Variants in ADAMTSL3 observed in about 807,000 individuals in gnomAD.
ADAMTSL3 encodes ADAMTS-like protein 3.
In ADAMTSL3, 128 loss-of-function variants were observed where a neutral mutation model predicts 201.7. The observed-to-expected ratio is 0.63, with a 90% CI of 0.55 to 0.73. The LOEUF (loss-of-function observed/expected upper bound fraction) is 0.73, where lower values mean the gene tolerates loss of function less well. Ranked by LOEUF, ADAMTSL3 falls within the 30% of genes least tolerant of loss-of-function variation. The pLI, the probability that ADAMTSL3 is intolerant of heterozygous loss-of-function variation, is 0.00. For missense variants in ADAMTSL3, 1,990 were observed against 2,119.6 expected, an observed-to-expected ratio of 0.94 and a Z score of 1.20; for synonymous variants, 738 against 748.4, an observed-to-expected ratio of 0.99 and a Z score of 0.23.
Position 83,818,569 on chromosome 15 carries a change from G to T in ADAMTSL3, c.364-1242G>T, listed in dbSNP as rs574635529. Among the ~76,000 whole-genome samples the T allele has an allele frequency of 7.9e-5, 12 of 152,224 alleles. No homozygotes were observed. The East Asian group carries it at 2.3e-3, about 29-fold the overall frequency. ...CTGGAGCTCCTGACCTCAGGTGATC[G>T]GCCCGCCTCAGCCACCCAAAGTGCT... is the stretch of plus-strand genomic sequence containing the variant. On this transcript the variant is annotated intron_variant, in intron 5 of 29. Coordinates refer to ENST00000286744, the MANE Select transcript of ADAMTSL3 (RefSeq NM_207517.3).
chr15:83,708,450 G>A (rs1408777739), intron 3 of ADAMTSL3, among the ~76,000 whole-genome samples: 7 of 152,174 alleles, frequency 4.6e-5, no homozygotes, highest in Admixed American at 3.9e-4. Context: ...CTGTGATGTA[G>A]GCTGCATTTA....
At chr15:84,015,933 C>G (rs183496652) in intron 24 of ADAMTSL3, among the ~76,000 whole-genome samples, 1 of 152,288 alleles carries the variant, frequency 6.6e-6, no homozygotes, top group African/African-American at 2.4e-5. Flanking sequence ...TCATGGCATT[C>G]CTCCACCATC....
chr15:83,818,711 T>C (rs1374724304), intron 5 of ADAMTSL3, among the ~76,000 whole-genome samples: 1 of 152,226 alleles, frequency 6.6e-6, no homozygotes, highest in East Asian at 1.9e-4. Context: ...AGTAATACTT[T>C]TCTCAACTAG....
At chr15:83,693,755 ATGAGCTCC>A (rs1324269081) in intron 2 of ADAMTSL3, among the ~76,000 whole-genome samples, 1 of 152,148 alleles carries the variant, frequency 6.6e-6, no homozygotes, top group East Asian at 1.9e-4. Flanking sequence ...AAGTTAGAAT[ATGAGCTCC>A]TTGGGAAAAG....
At chr15:83,890,058 G>T in intron 10 of ADAMTSL3, 51 bp from the exon 11 acceptor site, 1 of 1,566,120 alleles carries the variant, frequency 6.4e-7, no homozygotes. Context: ...ACTCTGCCAA[G>T]TAAAAATGAA....
rs74993203 is a variant in ADAMTSL3 at position 84,035,528 on chromosome 15, G to A, written c.4755-1245G>A. Among the ~76,000 whole-genome samples, 610 of 152,164 alleles carry A rather than the reference G, an allele frequency of 4.0e-3. 3 individuals carry two copies. Among genetic ancestry groups the A allele is most frequent in the African/African-American group, 0.014 (587 of 41,528 alleles). On this transcript the variant is annotated intron_variant, in intron 28 of 29. Transcript: ENST00000286744. ...AGGACACCCACCTCTTCCATATATC[G>A]TATGAACAGTTTGGTAGGACAGCAC...
intron 23 of ADAMTSL3, among the ~76,000 whole-genome samples, chr15:84,004,767 G>A (rs992098821): frequency 1.3e-5 from 2 of 152,220 alleles, no homozygotes; most frequent in African/African-American, 4.8e-5. Flanking sequence ...GAGGATCAAG[G>A]AAGTGATTTT....
intron 3 of ADAMTSL3, among the ~76,000 whole-genome samples, chr15:83,705,147 T>C (rs749775386): frequency 6.6e-6 from 1 of 152,162 alleles, no homozygotes; most frequent in Non-Finnish European, 1.5e-5. Flanking sequence ...TTGAAATCAC[T>C]CACAACTTGG....
intron 19 of ADAMTSL3, among the ~76,000 whole-genome samples, chr15:83,957,618 T>C (rs2066885967): frequency 6.6e-6 from 1 of 152,184 alleles, no homozygotes. Flanking sequence ...GAGTGTTTTG[T>C]ATTTTTGTCC....
At chr15:83,750,981 T>C (rs1429134279) in intron 3 of ADAMTSL3, among the ~76,000 whole-genome samples, 1 of 152,228 alleles carries the variant, frequency 6.6e-6, no homozygotes, top group Non-Finnish European at 1.5e-5. Context: ...TAATTTAGTA[T>C]ATATTATTAA....
At chr15:83,885,025 T>A in intron 9 of ADAMTSL3, 76 bp from the exon 10 acceptor site, 1 of 948,412 alleles carries the variant, frequency 1.1e-6, no homozygotes, top group Non-Finnish European at 1.6e-6. Flanking sequence ...ATGAAGAACA[T>A]TTATCTTATT....
chr15:83,757,075 G>A (rs563458376), intron 3 of ADAMTSL3, among the ~76,000 whole-genome samples: 48 of 152,274 alleles, frequency 3.2e-4, no homozygotes, highest in African/African-American at 4.8e-4. Flanking sequence ...CCAGGCACAC[G>A]GTGCAGGCGG....
rs182163710 is a variant in ADAMTSL3, at chr15:83,872,959, A to G, written c.960+2000A>G. Reference sequence around the variant, plus strand: ...GGAAACACTGAAAACAACAGTGACTATTTTAGAGGGGATAACATTTTGTAA... The same window carrying G: ...GGAAACACTGAAAACAACAGTGACTGTTTTAGAGGGGATAACATTTTGTAA... On this transcript the variant is annotated intron_variant, in intron 9 of 29. Coordinates refer to ENST00000286744, the MANE Select transcript of ADAMTSL3 (RefSeq NM_207517.3). Among the ~76,000 whole-genome samples the G allele has an allele frequency of 2.7e-3, 393 of 145,836 alleles. 61 individuals carry two copies. Among genetic ancestry groups the G allele is most frequent in the Middle Eastern group, 0.014 (4 of 284 alleles).
chr15:83,755,108 G>A (rs2062698232), intron 3 of ADAMTSL3, among the ~76,000 whole-genome samples: 1 of 151,928 alleles, frequency 6.6e-6, no homozygotes, highest in Admixed American at 6.6e-5. Context: ...TAATCCTGTT[G>A]TAAAAATTTT....
chr15:83,886,405 C>T (rs1357647576), intron 10 of ADAMTSL3, among the ~76,000 whole-genome samples: 2 of 152,162 alleles, frequency 1.3e-5, no homozygotes, highest in Non-Finnish European at 2.9e-5. Flanking sequence ...TAAGGAAGGT[C>T]TCTTTTATTC....
chr15:83,847,636 C>T (rs1251651107), intron 7 of ADAMTSL3, among the ~76,000 whole-genome samples: 5 of 151,960 alleles, frequency 3.3e-5, no homozygotes, highest in African/African-American at 1.2e-4. Flanking sequence ...GCTGGGATTA[C>T]AGTCACGTGC....
At chr15:83,687,300 A>T (rs906896434) in intron 2 of ADAMTSL3, among the ~76,000 whole-genome samples, 41 of 152,270 alleles carry the variant, frequency 2.7e-4, no homozygotes, top group African/African-American at 9.9e-4. Flanking sequence ...ATATTATTTC[A>T]ACATGTAATC....
chr15:84,037,456 A>C (rs1236336211), intron 29 of ADAMTSL3, among the ~76,000 whole-genome samples: 4 of 152,170 alleles, frequency 2.6e-5, no homozygotes, highest in African/African-American at 9.7e-5. Context: ...TGCTCTGAGA[A>C]CTCAAAGGAG....
chr15:83,873,542 C>G (rs1436406022), intron 9 of ADAMTSL3, among the ~76,000 whole-genome samples: 4 of 143,990 alleles, frequency 2.8e-5, no homozygotes, highest in Admixed American at 2.7e-4. Flanking sequence ...CCACAGCCAC[C>G]TAATTATTAA....
Sources: allele counts gnomAD v4.1 joint callset (sites outside exome capture counted in the v4.1 genomes callset), GRCh38; gene constraint gnomAD v4.1.1; transcripts MANE v1.5; gene names NCBI Gene and HGNC (gene_info 2026-07-23, HGNC 2026-07-21).